The following DIDO1 variants were observed in gnomAD, a reference collection of about 807,000 sequenced individuals.
DIDO1 encodes death inducer-obliterator 1.
Under a neutral mutation model 99.4 loss-of-function variants are expected in DIDO1, and 16 were observed. The ratio of observed to expected loss-of-function variants is 0.16; its 90% confidence interval spans 0.11 to 0.24. DIDO1 has a LOEUF of 0.24. Ranked by LOEUF, DIDO1 falls within the 10% of genes least tolerant of loss-of-function variation. The pLI, the probability that DIDO1 is intolerant of heterozygous loss-of-function variation, is 1.00. For synonymous variants in DIDO1, 1,366 were observed against 1,239.1 expected (o/e 1.10, Z -2.15); for missense variants, 2,996 against 3,014.0 (o/e 0.99, Z 0.14).
In DIDO1 at chr20:62,911,361, G is replaced by A. The variant is rs578047512; in HGVS notation, c.252C>T (p.Arg84=). 20 of 1,610,260 alleles carry A rather than the reference G, an allele frequency of 1.2e-5. No homozygotes were observed. Among genetic ancestry groups the A allele is most frequent in the South Asian group, 9.9e-5 (9 of 91,066 alleles). ...VEQFLTIARR[R]GRRSMPVSLE... is the part of the protein sequence containing the mutation. ...GGGAGACAGGCATGCTCCTCCTGCC[G>A]CGGCGCCGCGCAATGGTCAGGAACT... The change falls in exon 3 of 16, where the codon CGC becomes CGT. Residue 84 remains arginine (R), a synonymous_variant. Coordinates refer to ENST00000395343, the MANE Select transcript of DIDO1 (RefSeq NM_001193369.2). This position sits in a 1 kb window ranked among gnomAD's most constrained non-coding sequence, Gnocchi z 7.0.
At chr20:62,902,373 C>T (rs1017194960) in intron 6 of DIDO1, among the ~76,000 whole-genome samples, 1 of 152,140 alleles carries the variant, frequency 6.6e-6, no homozygotes, top group East Asian at 1.9e-4. Context: ...AGAACAAATT[C>T]TGATTTTTCT....
At chr20:62,890,904 G>A (rs746217469) in intron 15 of DIDO1, 56 bp downstream of exon 15, 11 of 1,612,006 alleles carry the variant, frequency 6.8e-6, no homozygotes, top group African/African-American at 1.3e-5. Context: ...ATGTCAGTGG[G>A]AGGAGGGGTG....
chr20:62,911,376 G>C lies in DIDO1; in HGVS notation c.237C>G (p.Thr79=), dbSNP rs779241205. 3.1e-6 allele frequency: 5 copies of C among 1,612,084 alleles called. No individual in the cohort carries two copies. The highest frequency in any genetic ancestry group is 4.2e-6 in the Non-Finnish European group (5 of 1,179,926). ...TCCTCCTGCCGCGGCGCCGCGCAAT[G>C]GTCAGGAACTGCTCCACGCGCTCAG... ...KRTERVEQFL[T]IARRRGRRSM... Residue 79 remains threonine (T), a synonymous_variant, in exon 3 of 16, where the codon ACC becomes ACG. Transcript: ENST00000395343. The surrounding 1 kb of genome is among the most constrained non-coding windows in gnomAD (Gnocchi z 7.0).
At position 62,937,713 on chromosome 20, in the gene DIDO1, G is replaced by A. The variant is rs115062408; in HGVS notation, c.-200+83C>T. On this transcript the variant is annotated intron_variant, in intron 1 of 15. Transcript: ENST00000266070. ...TCGGGAGGGGACTCCCTCCCCGTCTGAGGGGCGGCCGCGGACACCCGGCGC... is the reference window on the plus strand; with the variant it reads ...TCGGGAGGGGACTCCCTCCCCGTCTAAGGGGCGGCCGCGGACACCCGGCGC... The A allele has an allele frequency of 7.3e-3, 2,883 of 397,408 alleles. 70 individuals carry two copies. Among genetic ancestry groups the A allele is most frequent in the African/African-American group, 0.049 (2,383 of 48,684 alleles). The allele number at this position is 397,408 out of a possible 1,614,324, so 24.6% of individuals were successfully genotyped here.
At chr20:62,923,348 G>T (rs746586955) in intron 1 of DIDO1, among the ~76,000 whole-genome samples, 11 of 151,906 alleles carry the variant, frequency 7.2e-5, no homozygotes, top group Non-Finnish European at 1.3e-4. Flanking sequence ...GCTAATTTTT[G>T]TATTTTTAGT....
chr20:62,887,574 C>A, intron 15 of DIDO1: 1 of 985,474 alleles, frequency 1.0e-6, no homozygotes, highest in African/African-American at 1.7e-5. Context: ...ACCGAGGTTA[C>A]TCCACAGGCA....
chr20:62,891,818 C>T (rs1021577226), intron 14 of DIDO1, among the ~76,000 whole-genome samples, 169 bp downstream of exon 14: 1 of 151,170 alleles, frequency 6.6e-6, no homozygotes. Flanking sequence ...TGCAGTGGTG[C>T]GATCTCGGCT....
intron 2 of DIDO1, among the ~76,000 whole-genome samples, chr20:62,913,296 C>A (rs988910615): frequency 8.6e-6 from 1 of 116,416 alleles, no homozygotes; most frequent in Non-Finnish European, 2.1e-5. Context: ...TCAATCAGGG[C>A]ACCAGCAGCG....
At chr20:62,924,825 CTTGA>C (rs2065222303) in intron 1 of DIDO1, among the ~76,000 whole-genome samples, 1 of 152,144 alleles carries the variant, frequency 6.6e-6, no homozygotes, top group Admixed American at 6.5e-5. Context: ...ATGAGCTCTG[CTTGA>C]CATAGTCTGA....
Position 62,891,025 on chromosome 20 carries a change from A to G in DIDO1, c.3476T>C (p.Leu1159Pro), listed in dbSNP as rs201556249. 1 of 1,614,188 alleles carries G rather than the reference A, an allele frequency of 6.2e-7. No homozygotes were observed. The highest frequency in any genetic ancestry group is 1.7e-5 in the Admixed American group (1 of 60,024). The change falls in exon 15 of 16, where the codon CTC (leucine) becomes CCC (proline). Residue 1159 changes from leucine to proline, a missense_variant. Transcript: ENST00000395343. The stretch of plus-strand genomic sequence containing the variant: ...CTGGGCGCTCAGCGGGATCAGGTAG[A>G]GGTCCTTGACGTGCCTGTTGTTATT... ...VANNNRHVKD[L>P]YLIPLSAQDP...
chr20:62,932,318 C>CT (rs1474674012), intron 1 of DIDO1, among the ~76,000 whole-genome samples: 2 of 152,240 alleles, frequency 1.3e-5, no homozygotes, highest in South Asian at 2.1e-4. Flanking sequence ...CATAGGAACT[C>CT]TTATTTCTAC....
At chr20:62,887,393 T>C (rs1197701104) in intron 15 of DIDO1, 1 of 985,424 alleles carries the variant, frequency 1.0e-6, no homozygotes. Flanking sequence ...TAGAAAGCAA[T>C]TAAAAGTGAA....
intron 6 of DIDO1, chr20:62,905,604 G>A (rs1319559336): frequency 6.4e-7 from 1 of 1,551,820 alleles, no homozygotes. Flanking sequence ...ACCAGAGCCT[G>A]AGAGTGAAAA....
chr20:62,929,696 T>TAAAA (rs1568894331), upstream of DIDO1, among the ~76,000 whole-genome samples: 16 of 115,528 alleles, frequency 1.4e-4, no homozygotes, highest in African/African-American at 6.2e-4. Flanking sequence ...AGAAAAAGTG[T>TAAAA]ATATATATAT....
chr20:62,908,797 T>C (rs1020510516), intron 4 of DIDO1, among the ~76,000 whole-genome samples: 1 of 152,202 alleles, frequency 6.6e-6, no homozygotes, highest in African/African-American at 2.4e-5. Context: ...AGATCGAGGC[T>C]GCAGTGAGCT....
chr20:62,900,096 T>C (rs1568853444), intron 6 of DIDO1, among the ~76,000 whole-genome samples: 1 of 152,034 alleles, frequency 6.6e-6, no homozygotes, highest in African/African-American at 2.4e-5. Flanking sequence ...GGTACGAGCC[T>C]CCCCTACACG....
chr20:62,920,568 C>A (rs2065119048), intron 1 of DIDO1, among the ~76,000 whole-genome samples: 1 of 152,198 alleles, frequency 6.6e-6, no homozygotes, highest in Non-Finnish European at 1.5e-5. Context: ...TAAAAGTAAT[C>A]AATTTCCCCA....
upstream of DIDO1, among the ~76,000 whole-genome samples, chr20:62,929,758 GTTT>G (rs35776708): frequency 2.1e-3 from 270 of 126,020 alleles, 3 homozygotes; most frequent in Middle Eastern, 8.0e-3. Flanking sequence ...CCACTGTTTT[GTTT>G]TTTTTTTTTG....
intron 1 of DIDO1, among the ~76,000 whole-genome samples, chr20:62,936,108 GCA>G (rs1199687748): frequency 6.6e-6 from 1 of 152,186 alleles, no homozygotes; most frequent in African/African-American, 2.4e-5. Flanking sequence ...GCATCCCCTT[GCA>G]CACTTTCTCC....
Sources: allele counts gnomAD v4.1 joint callset (sites outside exome capture counted in the v4.1 genomes callset), GRCh38; gene constraint gnomAD v4.1.1; non-coding constraint Gnocchi (gnomAD v3.1); transcripts MANE v1.5; gene names NCBI Gene and HGNC (gene_info 2026-07-23, HGNC 2026-07-21).